SNX9: variants seen among roughly 807,000 people sequenced by gnomAD.
The protein encoded by SNX9 is sorting nexin 9, also known as sorting nexin-9.
In SNX9, 44 loss-of-function variants were observed where a neutral mutation model predicts 89.4. That is an observed-to-expected ratio of 0.49 (90% CI 0.39 to 0.63). SNX9 has a LOEUF of 0.63. SNX9 is among the 30% of genes least tolerant of loss of function. The probability of loss-of-function intolerance (pLI) is 0.00; values close to 1 mark genes in which losing one functional copy is unlikely to be tolerated. For missense variants in SNX9, 578 were observed against 736.1 expected, an observed-to-expected ratio of 0.79 and a Z score of 2.49; for synonymous variants, 236 against 247.8, an observed-to-expected ratio of 0.95 and a Z score of 0.45.
intron 4 of SNX9, among the ~76,000 whole-genome samples, chr6:157,883,398 CAG>C (rs1490216499): frequency 6.6e-6 from 1 of 152,112 alleles, no homozygotes; most frequent in Non-Finnish European, 1.5e-5. Flanking sequence ...TAAGAAACTT[CAG>C]AGTCTCCTCT....
chr6:157,825,820 T>A (rs1781332822), intron 1 of SNX9, among the ~76,000 whole-genome samples: 1 of 152,104 alleles, frequency 6.6e-6, no homozygotes, highest in South Asian at 2.1e-4. Flanking sequence ...CCTTCCCCCA[T>A]ATGCACACTC....
At chr6:157,842,245 G>A (rs1278039557) in intron 1 of SNX9, among the ~76,000 whole-genome samples, 2 of 152,136 alleles carry the variant, frequency 1.3e-5, no homozygotes, top group African/African-American at 4.8e-5. Flanking sequence ...ATCTCTTACT[G>A]GTTGACATTT....
At chr6:157,898,414 C>T (rs1583224579) in intron 5 of SNX9, among the ~76,000 whole-genome samples, 1 of 152,212 alleles carries the variant, frequency 6.6e-6, no homozygotes. Context: ...GCTGAGCCCA[C>T]GTTCTGATCT....
At chr6:157,840,634 A>G (rs1354059571) in intron 1 of SNX9, among the ~76,000 whole-genome samples, 1 of 152,102 alleles carries the variant, frequency 6.6e-6, no homozygotes, top group Admixed American at 6.6e-5. Flanking sequence ...AATTGATTGT[A>G]TCTTATTAAA....
intron 16 of SNX9, among the ~76,000 whole-genome samples, chr6:157,939,104 G>T (rs886075096): frequency 6.6e-6 from 1 of 151,960 alleles, no homozygotes; most frequent in African/African-American, 2.4e-5. Context: ...ATGTGAAGGG[G>T]TTTGGGTGTG....
At chr6:157,932,440 C>G (rs1454168782) in intron 13 of SNX9, among the ~76,000 whole-genome samples, 168 bp downstream of exon 13, 2 of 152,182 alleles carry the variant, frequency 1.3e-5, no homozygotes, top group African/African-American at 4.8e-5. Context: ...CATCCTAGGA[C>G]TTTTGAGAAA....
chr6:157,853,125 C>G (rs1281396315), intron 1 of SNX9, among the ~76,000 whole-genome samples: 1 of 151,618 alleles, frequency 6.6e-6, no homozygotes, highest in African/African-American at 2.4e-5. Context: ...TTGACATTTC[C>G]TGTAGTATTG....
At position 157,858,421 on chromosome 6, in the gene SNX9, C is replaced by T. The variant is rs572048798; in HGVS notation, c.13-9126C>T. ...ATGTTTAGTAGAGACGGGGTCTGTC[C>T]ATGTTGGTCAGGCTGGTCTCAAACT... On this transcript the variant is annotated intron_variant, in intron 1 of 17. Coordinates refer to ENST00000392185, the MANE Select transcript of SNX9 (RefSeq NM_016224.5). Among the ~76,000 whole-genome samples the T allele has an allele frequency of 9.2e-5, 14 of 151,984 alleles. 1 individual carries two copies. Among genetic ancestry groups the T allele is most frequent in the Admixed American group, 4.6e-4 (7 of 15,258 alleles).
chr6:157,905,420 C>A (rs1304206080), intron 6 of SNX9, among the ~76,000 whole-genome samples: 2 of 152,132 alleles, frequency 1.3e-5, no homozygotes, highest in Non-Finnish European at 2.9e-5. Flanking sequence ...TTTTCAGTAG[C>A]CCTTTGGATG....
In SNX9 at chr6:157,823,445, A is replaced by G; in HGVS notation, c.11A>G (p.Lys4Arg). The part of the protein sequence containing the change: MAT[K>R]ARVMYDFAAE... The stretch of plus-strand genomic sequence containing the variant: ...GGGGACCCGCCCGCCATGGCCACCA[A>G]GGTGAGGGGCGCGCGGCGCAGGCCG... The change falls in exon 1 of 18, where the codon AAG (lysine) becomes AGG (arginine). Residue 4 changes from lysine (K) to arginine (R), a missense_variant and splice_region_variant. Lys to Arg is a conservative substitution (Grantham distance 26, BLOSUM62 2). Around this residue, in one of 2 missense-constraint regions of SNX9, gnomAD observed 230 missense variants for 244.7 expected, o/e 0.94. Coordinates refer to ENST00000392185, the MANE Select transcript of SNX9 (RefSeq NM_016224.5). This position sits in a 1 kb window ranked among gnomAD's most constrained non-coding sequence, Gnocchi z 4.6. The G allele has an allele frequency of 8.2e-7, 1 of 1,219,072 alleles. No homozygotes were observed. The highest frequency in any genetic ancestry group is 1.0e-6 in the Non-Finnish European group (1 of 983,028). 75.5% of individuals were successfully genotyped at this position (1,219,072 alleles called of 1,614,324 possible). A position where few individuals can be genotyped will look rare whatever the true frequency, so the allele number is the denominator to read the frequency against.
chr6:157,924,104 A>G (rs909380808), intron 10 of SNX9, among the ~76,000 whole-genome samples: 25 of 152,156 alleles, frequency 1.6e-4, no homozygotes, highest in African/African-American at 5.8e-4. Flanking sequence ...AGGCTGAAGC[A>G]GGAGAATCGT....
At chr6:157,886,820 G>C (rs1244182670) in intron 4 of SNX9, among the ~76,000 whole-genome samples, 1 of 151,950 alleles carries the variant, frequency 6.6e-6, no homozygotes, top group African/African-American at 2.4e-5. Context: ...TTTTCTGACA[G>C]TAGCATGGAT....
chr6:157,937,112 A>G (rs927180812), intron 14 of SNX9, among the ~76,000 whole-genome samples: 3 of 152,256 alleles, frequency 2.0e-5, no homozygotes, highest in Non-Finnish European at 4.4e-5. Flanking sequence ...TTAAACTACA[A>G]CAACTCATTT....
rs552971973 is a variant in SNX9 at position 157,941,612 on chromosome 6, C to T, written c.1740+638C>T. On this transcript the variant is annotated intron_variant, in intron 17 of 17. Transcript: ENST00000392185. ...GGTCTGTAATGTAGAATCCAGCCTC[C>T]GCTGGCGGCCTTGCTGCCTACCCAG... is the stretch of plus-strand genomic sequence containing the variant. Among the ~76,000 whole-genome samples the T allele has an allele frequency of 3.9e-5, 6 of 152,276 alleles. No homozygotes were observed. In the South Asian group the frequency reaches 8.3e-4, roughly 21 times the overall value.
In SNX9 at chr6:157,854,782, C is replaced by G. The variant is rs936770315; in HGVS notation, c.13-12765C>G. Among the ~76,000 whole-genome samples the G allele has an allele frequency of 2.6e-5, 4 of 152,104 alleles. No homozygotes were observed. In the South Asian group the frequency reaches 8.3e-4, roughly 32 times the overall value. Reference sequence around the variant, plus strand: ...CTTTAATGCAGATTCTGTTTGCCATCTAATCTGCTTTTTAGTTACACTTTG... The same window carrying G: ...CTTTAATGCAGATTCTGTTTGCCATGTAATCTGCTTTTTAGTTACACTTTG... On this transcript the variant is annotated intron_variant, in intron 1 of 17. Transcript: ENST00000392185.
chr6:157,833,527 A>G (rs536837681), intron 1 of SNX9, among the ~76,000 whole-genome samples: 19 of 152,306 alleles, frequency 1.2e-4, no homozygotes, highest in Admixed American at 2.0e-4. Context: ...GGGGAAAAAA[A>G]GAGTATGTTT....
chr6:157,911,601 C>T (rs1783346858), intron 9 of SNX9, among the ~76,000 whole-genome samples: 1 of 152,120 alleles, frequency 6.6e-6, no homozygotes, highest in Non-Finnish European at 1.5e-5. Context: ...AACGGAAATC[C>T]ACAGACATTA....
chr6:157,884,519 C>T (rs139754357), intron 4 of SNX9, among the ~76,000 whole-genome samples: 14 of 152,252 alleles, frequency 9.2e-5, no homozygotes, highest in African/African-American at 3.1e-4. Flanking sequence ...CCTTAGACAT[C>T]TCGTAATTGC....
chr6:157,872,041 T>G (rs920536770), intron 2 of SNX9, among the ~76,000 whole-genome samples: 1 of 152,084 alleles, frequency 6.6e-6, no homozygotes. Context: ...AGTTGTGGCT[T>G]AAAGTGATTT....
Sources: allele counts gnomAD v4.1 joint callset (sites outside exome capture counted in the v4.1 genomes callset), GRCh38; gene constraint gnomAD v4.1.1; regional missense constraint gnomAD v4.1.1; non-coding constraint Gnocchi (gnomAD v3.1); transcripts MANE v1.5; gene names NCBI Gene and HGNC (gene_info 2026-07-23, HGNC 2026-07-21).